ATF3: variants seen among roughly 807,000 people sequenced by gnomAD.
ATF3 encodes activating transcription factor 3, also known as cyclic AMP-dependent transcription factor ATF-3.
ATF3 carries 10 observed loss-of-function variants against 18.4 expected under a neutral mutation model. The ratio of observed to expected loss-of-function variants is 0.54; its 90% CI spans 0.34 to 0.92. ATF3 has a LOEUF of 0.92. ATF3 is among the 40% of genes least tolerant of loss of function. The pLI is 0.02. For synonymous variants in ATF3, 78 were observed against 87.9 expected, an observed-to-expected ratio of 0.89 and a Z score of 0.63; for missense variants, 183 against 222.3, an observed-to-expected ratio of 0.82 and a Z score of 1.12.
chr1:212,581,460 A>T (rs565397809), intron 1 of ATF3, among the ~76,000 whole-genome samples: 1 of 152,342 alleles, frequency 6.6e-6, no homozygotes, highest in Admixed American at 6.5e-5. Context: ...GGCATTTCTT[A>T]TGGGTGTCAT....
intron 1 of ATF3, among the ~76,000 whole-genome samples, chr1:212,568,875 G>A (rs1224440984): frequency 6.6e-5 from 10 of 152,094 alleles, no homozygotes; most frequent in African/African-American, 1.2e-4. Flanking sequence ...TTGTTGGACC[G>A]GCATCCTAAT....
chr1:212,614,128 G>T (rs1477608146), intron 1 of ATF3: 1 of 152,154 alleles, frequency 6.6e-6, no homozygotes, highest in African/African-American at 2.4e-5. Context: ...TGCATTGGAG[G>T]AGCTGTCAGT....
intron 1 of ATF3, among the ~76,000 whole-genome samples, chr1:212,603,701 TG>T (rs1368518119): frequency 1.3e-5 from 2 of 152,120 alleles, no homozygotes; most frequent in Non-Finnish European, 2.9e-5. Flanking sequence ...TGGTTACCTC[TG>T]GGAAGCAAAG....
At chr1:212,611,255 CA>C (rs1011663828) in intron 1 of ATF3, among the ~76,000 whole-genome samples, 87 of 152,308 alleles carry the variant, frequency 5.7e-4, no homozygotes, top group African/African-American at 2.0e-3. Flanking sequence ...AATGAGAGTA[CA>C]AAAGAGGCTC....
intron 1 of ATF3, among the ~76,000 whole-genome samples, chr1:212,571,051 A>G (rs553019231): frequency 6.6e-6 from 1 of 152,322 alleles, no homozygotes; most frequent in South Asian, 2.1e-4. Flanking sequence ...CCTTTTCTCC[A>G]AAGGTGTTAT....
At chr1:212,566,549 G>A (rs1265561116) in intron 1 of ATF3, among the ~76,000 whole-genome samples, 1 of 152,150 alleles carries the variant, frequency 6.6e-6, no homozygotes, top group Non-Finnish European at 1.5e-5. Flanking sequence ...GATGTTTGGG[G>A]TTACTGGCAG....
chr1:212,597,537 T>A (rs1558233127), intron 1 of ATF3, among the ~76,000 whole-genome samples: 2 of 152,130 alleles, frequency 1.3e-5, no homozygotes, highest in Non-Finnish European at 2.9e-5. Flanking sequence ...ATATCAACCC[T>A]GCAAGGTGGG....
intron 1 of ATF3, among the ~76,000 whole-genome samples, chr1:212,578,381 G>C (rs1227983096): frequency 6.6e-6 from 1 of 152,190 alleles, no homozygotes; most frequent in Admixed American, 6.5e-5. Context: ...TTAACTGACA[G>C]ATGAAATGAT....
At chr1:212,615,406 G>T in intron 2 of ATF3, 145 bp downstream of exon 2, 1 of 1,033,494 alleles carries the variant, frequency 9.7e-7, no homozygotes, top group East Asian at 2.6e-5. Context: ...TCTCCTGGGA[G>T]GAGACAGAAG....
At chr1:212,578,322 C>A (rs894897205) in intron 1 of ATF3, among the ~76,000 whole-genome samples, 3 of 152,206 alleles carry the variant, frequency 2.0e-5, no homozygotes, top group South Asian at 2.1e-4. Flanking sequence ...TGCTGTCAGA[C>A]TAATTTTTAT....
chr1:212,574,549 T>G lies in ATF3; in HGVS notation c.-5+9066T>G, dbSNP rs574947121. Reference sequence around the variant, plus strand: ...CTCTTAATGTAATCAAATATATCCCTCTTATTTTATTGTTTGTATGTTTGT... The same window carrying G: ...CTCTTAATGTAATCAAATATATCCCGCTTATTTTATTGTTTGTATGTTTGT... On this transcript the variant is annotated intron_variant, in intron 1 of 3. Coordinates refer to the ATF3 transcript ENST00000366981. Among the ~76,000 whole-genome samples the G allele has an allele frequency of 3.2e-4, 48 of 152,214 alleles. 1 individual carries two copies. The South Asian group carries it at 9.5e-3, about 30-fold the overall frequency.
upstream of ATF3, among the ~76,000 whole-genome samples, chr1:212,608,068 C>G (rs892580799): frequency 4.6e-5 from 7 of 152,302 alleles, no homozygotes; most frequent in Non-Finnish European, 5.9e-5. Flanking sequence ...AACCGGCGGG[C>G]TTCTCGCGGT....
chr1:212,605,474 C>A (rs1197358170), upstream of ATF3, among the ~76,000 whole-genome samples: 3 of 152,236 alleles, frequency 2.0e-5, no homozygotes, highest in Non-Finnish European at 2.9e-5. Flanking sequence ...TAGTACTCTG[C>A]CGCTTCTCTG....
At chr1:212,616,079 G>T (rs970673100) in intron 2 of ATF3, among the ~76,000 whole-genome samples, 18 of 151,958 alleles carry the variant, frequency 1.2e-4, no homozygotes, top group Non-Finnish European at 2.2e-4. Context: ...TCTGGTAAAA[G>T]AAATTAAGGG....
In ATF3 at chr1:212,619,005, CAG is replaced by C; in HGVS notation, c.349-351_349-350del. On this transcript the variant is annotated intron_variant, in intron 3 of 3. Transcript: ENST00000341491. The surrounding 1 kb of genome is among the most constrained non-coding windows in gnomAD (Gnocchi z 4.4). ...GAGCTTCTCATTGAGATCTGTGACT[CAG>C]AATCGACTAAGCCACCATAAGTCTG... 1.2e-6 allele frequency: 2 copies of C among 1,613,486 alleles called. No individual in the cohort carries two copies. Among genetic ancestry groups the C allele is most frequent in the Non-Finnish European group, 1.7e-6 (2 of 1,179,460 alleles).
intron 2 of ATF3, among the ~76,000 whole-genome samples, chr1:212,617,611 C>A (rs971042866): frequency 6.6e-5 from 10 of 152,114 alleles, no homozygotes; most frequent in African/African-American, 1.7e-4. Context: ...ATGGGCTTCT[C>A]CCAAATTTGG....
At chr1:212,605,941 G>A (rs565117947), upstream of ATF3, among the ~76,000 whole-genome samples, 4 of 152,302 alleles carry the variant, frequency 2.6e-5, no homozygotes, top group Non-Finnish European at 5.9e-5. Context: ...CTTCTAAGGC[G>A]AGACAGCCAT....
intron 1 of ATF3, among the ~76,000 whole-genome samples, chr1:212,609,520 A>G (rs1368546557): frequency 6.6e-6 from 1 of 152,214 alleles, no homozygotes. Context: ...GGTACCCCGC[A>G]GCACTGGCGG....
intron 1 of ATF3, among the ~76,000 whole-genome samples, chr1:212,587,913 G>A (rs1370869259): frequency 1.3e-5 from 2 of 150,596 alleles, no homozygotes; most frequent in Admixed American, 1.3e-4. Flanking sequence ...ACTTAGTTTA[G>A]CAATGCAGCA....
Sources: gnomAD v4.1 joint callset for allele counts (sites outside exome capture counted in the v4.1 genomes callset) on GRCh38, gnomAD v4.1.1 for gene constraint, Gnocchi (gnomAD v3.1) non-coding constraint, MANE v1.5 for transcripts, NCBI Gene and HGNC (gene_info 2026-07-23, HGNC 2026-07-21) for gene names.